IL10RB: variants seen among roughly 807,000 people sequenced by gnomAD.
IL10RB encodes interleukin 10 receptor subunit beta, also known as interleukin-10 receptor subunit beta.
IL10RB carries 30 observed loss-of-function variants against 38.7 expected under a neutral mutation model. The observed-to-expected ratio is 0.78, with a 90% CI of 0.58 to 1.05. The LOEUF is 1.05. Ranked by LOEUF, IL10RB falls within the 50% of genes least tolerant of loss-of-function variation. IL10RB has a pLI of 0.00. For synonymous variants in IL10RB, 142 were observed against 145.9 expected, an observed-to-expected ratio of 0.97 and a Z score of 0.19; for missense variants, 328 against 397.1, an observed-to-expected ratio of 0.83 and a Z score of 1.48.
At chr21:33,280,482 C>A (rs1989260381) in intron 4 of IL10RB, among the ~76,000 whole-genome samples, 1 of 152,128 alleles carries the variant, frequency 6.6e-6, no homozygotes, top group Non-Finnish European at 1.5e-5. Flanking sequence ...AGGATAATAA[C>A]CTACTTCGTA....
At chr21:33,266,962 C>T (rs1480293555) in intron 1 of IL10RB, among the ~76,000 whole-genome samples, 1 of 152,060 alleles carries the variant, frequency 6.6e-6, no homozygotes, top group African/African-American at 2.4e-5. Context: ...CCCCTCAGTG[C>T]CAGCCCTCCC....
rs377485372 is a variant in IL10RB, at chr21:33,277,267, G to A, written c.331+514G>A. Among the ~76,000 whole-genome samples, 4 of 151,548 alleles carry A rather than the reference G, an allele frequency of 2.6e-5. No homozygotes were observed. The East Asian group carries it at 7.7e-4, about 29-fold the overall frequency. ...ATCAAAAATTGTTCCCAGGTTAGGT[G>A]GAGATTGCAGTGAGCCGAGATCACG... On this transcript the variant is annotated intron_variant, in intron 3 of 6. Coordinates refer to ENST00000290200, the MANE Select transcript of IL10RB (RefSeq NM_000628.5).
rs8178561 is a variant in IL10RB at position 33,296,492 on chromosome 21, G to A, written c.*135G>A. 0.058 allele frequency: 49,469 copies of A among 850,424 alleles called. 1,893 individuals carry two copies. The highest frequency in any genetic ancestry group is 0.14 in the African/African-American group (8,493 of 60,038). The allele number at this position is 850,424 out of a possible 1,614,324, so 52.7% of individuals were successfully genotyped here. A position where few individuals can be genotyped will look rare whatever the true frequency, so the allele number is the denominator to read the frequency against. Reference sequence around the variant, plus strand: ...CCCACATCTAGAACTCCCAGACCCTGGACTTAGCCACCAGAGAGCTACATT... The same window carrying A: ...CCCACATCTAGAACTCCCAGACCCTAGACTTAGCCACCAGAGAGCTACATT... On this transcript the variant is annotated 3_prime_UTR_variant, in exon 7 of 7. Transcript: ENST00000290200.
intron 1 of IL10RB, chr21:33,268,052 T>A (rs2123560319): frequency 2.5e-6 from 1 of 406,622 alleles, no homozygotes; most frequent in Non-Finnish European, 4.4e-6. Context: ...TCAGCTTTTA[T>A]GCATCAAATG....
In IL10RB at chr21:33,268,280, G is replaced by A. The variant is rs8178448; in HGVS notation, c.50-114G>A. 3.9e-4 allele frequency: 616 copies of A among 1,572,910 alleles called. No individual in the cohort carries two copies. In the African/African-American group the frequency reaches 7.2e-3, roughly 18 times the overall value. ...ACCTGTCTCTCCCTCCCTCACCCAC[G>A]TGGCCTTTGAAGACATGGAGCCATA... On this transcript the variant is annotated intron_variant, in intron 1 of 6. Transcript: ENST00000290200.
At chr21:33,280,504 G>A (rs1229723501) in intron 4 of IL10RB, among the ~76,000 whole-genome samples, 6 of 152,122 alleles carry the variant, frequency 3.9e-5, no homozygotes, top group Non-Finnish European at 8.8e-5. Flanking sequence ...GATTGTTGGG[G>A]AATTTAATGA....
intron 2 of IL10RB, among the ~76,000 whole-genome samples, chr21:33,275,188 C>T (rs1989148741): frequency 7.2e-6 from 1 of 139,460 alleles, no homozygotes; most frequent in South Asian, 2.2e-4. Flanking sequence ...TGGAGTCTCG[C>T]TCTGTTGCCC....
rs7281914 is a variant in IL10RB, at chr21:33,275,947, A to G, written c.174-649A>G. Among the ~76,000 whole-genome samples, 16 of 152,328 alleles carry G rather than the reference A, an allele frequency of 1.1e-4. 1 individual carries two copies. The highest frequency in any genetic ancestry group is 3.6e-4 in the African/African-American group (15 of 41,538). ...CAAAGATCACTGATCACAGATCACC[A>G]TAACACATATAATCATGATGAAAAG... On this transcript the variant is annotated intron_variant, in intron 2 of 6. Coordinates refer to ENST00000290200, the MANE Select transcript of IL10RB (RefSeq NM_000628.5).
At chr21:33,274,503 T>G (rs183385532) in intron 2 of IL10RB, among the ~76,000 whole-genome samples, 5 of 152,314 alleles carry the variant, frequency 3.3e-5, no homozygotes, top group Admixed American at 2.6e-4. Flanking sequence ...TAATAAGATT[T>G]GAAAGTCGAA....
At chr21:33,276,367 A>C (rs1989170298) in intron 2 of IL10RB, among the ~76,000 whole-genome samples, 2 of 152,326 alleles carry the variant, frequency 1.3e-5, no homozygotes, top group African/African-American at 4.8e-5. Context: ...TACGTAATCA[A>C]GGAAGCAAGC....
rs1345618689 is a variant in IL10RB, at chr21:33,296,735, G to A, written c.*378G>A. ...GGTCGAGGCAGGCGGATCACTTGAG[G>A]TCAGGAGTTCAAGACCAGCCTGGCC... On this transcript the variant is annotated 3_prime_UTR_variant, in exon 7 of 7. Coordinates refer to ENST00000290200, the MANE Select transcript of IL10RB (RefSeq NM_000628.5). 2.7e-6 allele frequency: 1 copy of A among 370,772 alleles called. No individual in the cohort carries two copies. Among genetic ancestry groups the A allele is most frequent in the Non-Finnish European group, 5.3e-6 (1 of 189,300 alleles). The allele number at this position is 370,772 out of a possible 1,614,324, so 23.0% of individuals were successfully genotyped here. A position where few individuals can be genotyped will look rare whatever the true frequency, so the allele number is the denominator to read the frequency against.
intron 4 of IL10RB, among the ~76,000 whole-genome samples, chr21:33,282,585 TTTTTC>T (rs1169725849): frequency 2.0e-5 from 3 of 152,112 alleles, no homozygotes; most frequent in Non-Finnish European, 2.9e-5. Context: ...TTTATTTACT[TTTTTC>T]TTTATTTCTG....
rs193130403 is a variant in IL10RB, at chr21:33,303,163, G to C, written c.130-5813G>C. 3.3e-5 allele frequency among the ~76,000 whole-genome samples: 5 copies of C among 152,068 alleles called. No individual in the cohort carries two copies. In the South Asian group the frequency reaches 8.3e-4, roughly 25 times the overall value. On this transcript the variant is annotated intron_variant, in intron 1 of 1. Coordinates refer to the IL10RB transcript ENST00000609556. Reference sequence around the variant, plus strand: ...CTGACTCAGTTCTTTCCTACTCCTGGCCCTGTCCTCTCTCCCTCCCGCTAG... The same window carrying C: ...CTGACTCAGTTCTTTCCTACTCCTGCCCCTGTCCTCTCTCCCTCCCGCTAG...
chr21:33,268,535 A>C lies in IL10RB; in HGVS notation c.173+18A>C. 6.3e-7 allele frequency: 1 copy of C among 1,582,352 alleles called. No individual in the cohort carries two copies. Among genetic ancestry groups the C allele is most frequent in the Non-Finnish European group, 8.7e-7 (1 of 1,151,298 alleles). On this transcript the variant is annotated intron_variant, in intron 2 of 6. Coordinates refer to ENST00000290200, the MANE Select transcript of IL10RB (RefSeq NM_000628.5). Reference sequence around the variant, plus strand: ...TACCTAAGGTGGGTCTGGCCTCACTATTGGCAGGAACGCACCGGAGGAGCC... The same window carrying C: ...TACCTAAGGTGGGTCTGGCCTCACTCTTGGCAGGAACGCACCGGAGGAGCC...
At chr21:33,297,993 T>G (rs59659370), downstream of IL10RB, among the ~76,000 whole-genome samples, 10,966 of 152,194 alleles carry the variant, frequency 0.072, 1,288 homozygotes, top group African/African-American at 0.25. Flanking sequence ...GAGACCCAGG[T>G]AAGAGTGGAT....
At chr21:33,276,516 C>G (rs778236682) in intron 2 of IL10RB, 80 bp from the exon 3 acceptor site, 126 of 1,144,040 alleles carry the variant, frequency 1.1e-4, no homozygotes, top group Middle Eastern at 8.1e-4. Context: ...GCCGCCCCCC[C>G]CTCCAAATTA....
In IL10RB at chr21:33,296,367, A is replaced by G. The variant is rs768456830; in HGVS notation, c.*10A>G. 14 of 1,612,382 alleles carry G rather than the reference A, an allele frequency of 8.7e-6. No homozygotes were observed. In the South Asian group the frequency reaches 1.5e-4, roughly 18 times the overall value. On this transcript the variant is annotated 3_prime_UTR_variant, in exon 7 of 7. Coordinates refer to ENST00000290200, the MANE Select transcript of IL10RB (RefSeq NM_000628.5). ...GGGGCCCCAAAGCTAGGCTCTGAGAAGGAAACACACTCGGCTGGGCACAGT... is the reference window on the plus strand; with the variant it reads ...GGGGCCCCAAAGCTAGGCTCTGAGAGGGAAACACACTCGGCTGGGCACAGT...
rs566734977 is a variant in IL10RB, at chr21:33,266,641, C to G, written c.49+127C>G. On this transcript the variant is annotated intron_variant, in intron 1 of 6. Coordinates refer to ENST00000290200, the MANE Select transcript of IL10RB (RefSeq NM_000628.5). ...CTTCGGGGCCTCGGGAGAGAAGATG[C>G]AAACGCCACGGCCGGCTGCTGAGAC... is the stretch of plus-strand genomic sequence containing the variant. 4 of 907,646 alleles carry G rather than the reference C, an allele frequency of 4.4e-6. No individual in the cohort carries two copies. In the African/African-American group the frequency reaches 5.1e-5, roughly 12 times the overall value. 56.2% of individuals were successfully genotyped at this position (907,646 alleles called of 1,614,324 possible).
At chr21:33,293,397 T>C (rs1644854736) in intron 6 of IL10RB, among the ~76,000 whole-genome samples, 1 of 152,176 alleles carries the variant, frequency 6.6e-6, no homozygotes. Context: ...CCTCCGATAT[T>C]CCTGGAGGCT....
Sources: allele counts gnomAD v4.1 joint callset (sites outside exome capture counted in the v4.1 genomes callset), GRCh38; gene constraint gnomAD v4.1.1; transcripts MANE v1.5; gene names NCBI Gene and HGNC (gene_info 2026-07-23, HGNC 2026-07-21).